ANO4: variants seen among roughly 807,000 people sequenced by gnomAD.
ANO4 encodes anoctamin 4, also known as anoctamin-4.
In ANO4, 69 loss-of-function variants were observed where a neutral mutation model predicts 141.9. The observed-to-expected ratio is 0.49, with a 90% CI of 0.40 to 0.59. ANO4 has a LOEUF of 0.59. Among genes scored for constraint, ANO4 ranks in the 20% least tolerant of loss-of-function variants. The pLI is 0.00. For missense variants in ANO4, 894 were observed against 1,162.2 expected, an observed-to-expected ratio of 0.77 and a Z score of 3.36; for synonymous variants, 350 against 394.3, an observed-to-expected ratio of 0.89 and a Z score of 1.33.
chr12:100,928,745 A>G (rs1410008084), intron 3 of ANO4, among the ~76,000 whole-genome samples: 5 of 152,192 alleles, frequency 3.3e-5, no homozygotes, highest in African/African-American at 7.2e-5. Flanking sequence ...AAGAAGTGCC[A>G]TCATCATTAT....
At chr12:101,044,959 A>G (rs1200773926) in intron 13 of ANO4, among the ~76,000 whole-genome samples, 2 of 151,924 alleles carry the variant, frequency 1.3e-5, no homozygotes, top group African/African-American at 4.8e-5. Flanking sequence ...TCAGGTTTTA[A>G]AATTCTGCTT....
chr12:100,987,479 T>C, intron 7 of ANO4, 60 bp from the exon 8 acceptor site: 1 of 1,585,122 alleles, frequency 6.3e-7, no homozygotes. Flanking sequence ...ACCTTCCTCC[T>C]GTGTTTCAGG....
intron 2 of ANO4, among the ~76,000 whole-genome samples, chr12:100,915,632 C>T (rs2041302609): frequency 6.6e-6 from 1 of 151,916 alleles, no homozygotes; most frequent in Non-Finnish European, 1.5e-5. Context: ...TAGCCTAGGC[C>T]CCAAACCTGG....
intron 1 of ANO4, among the ~76,000 whole-genome samples, chr12:100,839,126 G>T (rs1424984209): frequency 2.0e-5 from 3 of 152,026 alleles, no homozygotes; most frequent in South Asian, 2.1e-4. Context: ...TTTCAAGATG[G>T]ACATCATTCT....
intron 1 of ANO4, among the ~76,000 whole-genome samples, chr12:100,816,338 G>A (rs983876190): frequency 1.3e-5 from 2 of 152,022 alleles, no homozygotes; most frequent in Admixed American, 1.3e-4. Context: ...AATTTAATTG[G>A]AGGGAATGAT....
At chr12:100,915,919 A>G (rs990292026) in intron 2 of ANO4, among the ~76,000 whole-genome samples, 7 of 152,214 alleles carry the variant, frequency 4.6e-5, no homozygotes, top group Non-Finnish European at 1.0e-4. Flanking sequence ...ACATATGTCT[A>G]TAATTGATTG....
rs117955658 is a variant in ANO4 at position 101,005,294 on chromosome 12, A to G, written c.735-14740A>G. Among the ~76,000 whole-genome samples, 276 of 152,298 alleles carry G rather than the reference A, an allele frequency of 1.8e-3. 4 individuals are homozygous for G. The East Asian group carries it at 0.025, about 14-fold the overall frequency. ...TAGGAAATATTTCCAGACTTGTTTT[A>G]TAGATTAAAAAAAATGATTTCCTCT... On this transcript the variant is annotated intron_variant, in intron 8 of 27. Transcript: ENST00000392977.
At chr12:101,099,441 C>G in intron 21 of ANO4, 137 bp from the exon 22 acceptor site, 1 of 756,186 alleles carries the variant, frequency 1.3e-6, no homozygotes, top group Non-Finnish European at 2.1e-6. Flanking sequence ...TTCTTCCTAA[C>G]CTGAGGCTTT....
At chr12:101,041,413 A>T (rs780119698) in intron 11 of ANO4, among the ~76,000 whole-genome samples, 1 of 152,218 alleles carries the variant, frequency 6.6e-6, no homozygotes, top group Non-Finnish European at 1.5e-5. Flanking sequence ...GGAAAAACAA[A>T]AGTAAATTCT....
At chr12:101,082,597 C>T (rs1283007342) in intron 15 of ANO4, among the ~76,000 whole-genome samples, 1 of 152,214 alleles carries the variant, frequency 6.6e-6, no homozygotes, top group African/African-American at 2.4e-5. Flanking sequence ...GAGCCTGCTC[C>T]TAATGTATCT....
rs556873064 is a variant in ANO4 at position 100,772,994 on chromosome 12, G to A, written c.358+32889G>A. On this transcript the variant is annotated intron_variant, in intron 3 of 29. Transcript: ENST00000644049. ...AGGTATCCAGTCTCCTAAATTTGAG[G>A]TGGTCTTAGCCCATTTAGGCTACTA... Among the ~76,000 whole-genome samples, 9 of 152,266 alleles carry A rather than the reference G, an allele frequency of 5.9e-5. No homozygotes were observed. In the South Asian group the frequency reaches 1.9e-3, roughly 32 times the overall value.
At chr12:100,792,662 A>G (rs980597369), upstream of ANO4, among the ~76,000 whole-genome samples, 14 of 152,238 alleles carry the variant, frequency 9.2e-5, no homozygotes, top group African/African-American at 3.4e-4. Context: ...CAATTGTCAT[A>G]TAGATGTGCA....
At chr12:100,942,354 G>C in intron 4 of ANO4, 23 bp from the exon 5 acceptor site, 2 of 1,606,242 alleles carry the variant, frequency 1.2e-6, no homozygotes, top group South Asian at 2.2e-5. Context: ...GACTTAAACT[G>C]GTCCCTTTCT....
intron 9 of ANO4, among the ~76,000 whole-genome samples, chr12:101,031,174 C>T (rs1419067193): frequency 9.2e-5 from 14 of 152,092 alleles, no homozygotes; most frequent in South Asian, 2.1e-4. Context: ...AATATCGATG[C>T]GAAAATCCTC....
chr12:100,775,797 T>G (rs1242247201), intron 3 of ANO4, among the ~76,000 whole-genome samples: 1 of 152,140 alleles, frequency 6.6e-6, no homozygotes, highest in African/African-American at 2.4e-5. Flanking sequence ...CTATTACGAT[T>G]ATGAGTTCTT....
chr12:100,868,540 A>G (rs971833386), intron 1 of ANO4, among the ~76,000 whole-genome samples: 1 of 152,172 alleles, frequency 6.6e-6, no homozygotes, highest in Non-Finnish European at 1.5e-5. Flanking sequence ...GCCGCCAACC[A>G]GTTGGTCTCC....
At chr12:101,053,017 T>A (rs79843281) in intron 14 of ANO4, among the ~76,000 whole-genome samples, 12,646 of 152,272 alleles carry the variant, frequency 0.083, 582 homozygotes, top group South Asian at 0.17. Context: ...GTTGTGCATC[T>A]TCTGTGAAGT....
intron 1 of ANO4, among the ~76,000 whole-genome samples, chr12:100,825,346 C>T (rs867770004): frequency 7.2e-5 from 11 of 152,114 alleles, no homozygotes; most frequent in Middle Eastern, 6.8e-3. Flanking sequence ...TCTCTATGTA[C>T]ATGATTTCAT....
At chr12:100,729,089 A>T (rs2031263580) in intron 1 of ANO4, among the ~76,000 whole-genome samples, 2 of 152,122 alleles carry the variant, frequency 1.3e-5, no homozygotes, top group South Asian at 2.1e-4. Context: ...AAACAATATA[A>T]TTCAGTTGTG....
Sources: allele counts gnomAD v4.1 joint callset (sites outside exome capture counted in the v4.1 genomes callset), GRCh38; gene constraint gnomAD v4.1.1; transcripts MANE v1.5; gene names NCBI Gene and HGNC (gene_info 2026-07-23, HGNC 2026-07-21).